The following FYB1 variants were observed in gnomAD, a reference collection of about 807,000 sequenced individuals.
FYB1 encodes the protein FYN binding protein 1, also known as FYN-binding protein 1.
Under a neutral mutation model 94.1 loss-of-function variants are expected in FYB1, and 41 were observed. That is an observed-to-expected ratio of 0.44 (90% CI 0.34 to 0.57). FYB1 has a LOEUF of 0.57. FYB1 is among the 20% of genes least tolerant of loss of function. The pLI is 0.02. For missense variants in FYB1, 1,050 were observed against 976.8 expected (o/e 1.07, Z -1.00); for synonymous variants, 367 against 353.2 (o/e 1.04, Z -0.44).
At chr5:39,198,865 A>G (rs529874831) in intron 2 of FYB1, among the ~76,000 whole-genome samples, 7 of 152,114 alleles carry the variant, frequency 4.6e-5, no homozygotes, top group Non-Finnish European at 1.0e-4. Context: ...ATAAATAAAT[A>G]ATACACTTAT....
chr5:39,129,682 C>T (rs865937752), intron 10 of FYB1, among the ~76,000 whole-genome samples: 19 of 152,020 alleles, frequency 1.2e-4, no homozygotes, highest in Middle Eastern at 3.4e-3. Flanking sequence ...AGAAGACATA[C>T]AAATGGCCAA....
chr5:39,222,220 C>T (rs968042480), upstream of FYB1, among the ~76,000 whole-genome samples: 4 of 152,024 alleles, frequency 2.6e-5, no homozygotes, highest in East Asian at 3.9e-4. Context: ...TGAGCTCTGG[C>T]GTCTTGTACT....
intron 1 of FYB1, among the ~76,000 whole-genome samples, chr5:39,225,626 A>G (rs1268509823): frequency 6.6e-6 from 1 of 152,226 alleles, no homozygotes; most frequent in African/African-American, 2.4e-5. Flanking sequence ...AATTTTTCTT[A>G]TAAAGTATGT....
At chr5:39,211,561 G>C (rs113264766) in intron 1 of FYB1, among the ~76,000 whole-genome samples, 92 of 152,012 alleles carry the variant, frequency 6.1e-4, no homozygotes, top group African/African-American at 2.1e-3. Context: ...CGCCTGCCTC[G>C]GCCTCCCAAA....
chr5:39,252,911 CTT>C (rs1232592310), intron 1 of FYB1, among the ~76,000 whole-genome samples: 3 of 152,218 alleles, frequency 2.0e-5, no homozygotes, highest in Non-Finnish European at 2.9e-5. Context: ...TTTAAAAATA[CTT>C]ACAACTGTGT....
chr5:39,194,217 C>T (rs1366771545), intron 2 of FYB1, among the ~76,000 whole-genome samples: 1 of 152,078 alleles, frequency 6.6e-6, no homozygotes, highest in African/African-American at 2.4e-5. Flanking sequence ...ACCATGTAGA[C>T]TGCTTATAAA....
intron 2 of FYB1, among the ~76,000 whole-genome samples, chr5:39,159,866 C>T (rs1017759491): frequency 7.2e-5 from 11 of 151,798 alleles, no homozygotes; most frequent in African/African-American, 1.5e-4. Context: ...CTGAACTGTG[C>T]GTTTCATCTT....
intron 2 of FYB1, among the ~76,000 whole-genome samples, chr5:39,177,227 G>A (rs1360737994): frequency 6.6e-6 from 1 of 152,200 alleles, no homozygotes; most frequent in Non-Finnish European, 1.5e-5. Context: ...CCTGAGGGCT[G>A]TGGCTAACCT....
At chr5:39,273,917 C>T (rs1451842720) in intron 1 of FYB1, among the ~76,000 whole-genome samples, 9 of 151,772 alleles carry the variant, frequency 5.9e-5, no homozygotes, top group Admixed American at 5.9e-4. Flanking sequence ...AGTGTTTTAT[C>T]TATTATGCTT....
At chr5:39,259,053 G>C (rs896927187) in intron 1 of FYB1, among the ~76,000 whole-genome samples, 1 of 152,048 alleles carries the variant, frequency 6.6e-6, no homozygotes, top group Non-Finnish European at 1.5e-5. Context: ...ATTCTCAACT[G>C]GGGGGTTGGG....
At chr5:39,121,571 C>A (rs1740108533) in intron 14 of FYB1, among the ~76,000 whole-genome samples, 1 of 152,108 alleles carries the variant, frequency 6.6e-6, no homozygotes, top group Non-Finnish European at 1.5e-5. Context: ...TCTTTTGAGT[C>A]ATCTTTCTTT....
At chr5:39,130,646 T>G (rs759068152) in intron 9 of FYB1, 34 bp from the exon 10 acceptor site, 1 of 1,497,982 alleles carries the variant, frequency 6.7e-7, no homozygotes, top group Admixed American at 1.9e-5. Context: ...TAAGTTAATC[T>G]ATGAATTACT....
intron 1 of FYB1, among the ~76,000 whole-genome samples, chr5:39,244,425 T>C (rs1018979443): frequency 2.0e-5 from 3 of 152,154 alleles, no homozygotes; most frequent in Admixed American, 2.0e-4. Context: ...TGGTTCTGTT[T>C]GTATGCTGGA....
At chr5:39,273,258 A>G (rs903292805) in intron 1 of FYB1, among the ~76,000 whole-genome samples, 4 of 152,258 alleles carry the variant, frequency 2.6e-5, no homozygotes, top group Non-Finnish European at 5.9e-5. Flanking sequence ...CTGTGTAGAA[A>G]GAAGTGGACA....
At chr5:39,177,004 G>A (rs1745796361) in intron 2 of FYB1, among the ~76,000 whole-genome samples, 1 of 152,206 alleles carries the variant, frequency 6.6e-6, no homozygotes, top group African/African-American at 2.4e-5. Context: ...GTGGGAGGAA[G>A]GCAGTTATCC....
chr5:39,170,166 T>C (rs1239468927), intron 2 of FYB1: 2 of 772,554 alleles, frequency 2.6e-6, no homozygotes, highest in African/African-American at 3.4e-5. Context: ...AAGTCTGATA[T>C]GTCAAATCTG....
chr5:39,202,616 G>A lies in FYB1; in HGVS notation c.345C>T (p.Pro115=), dbSNP rs1395552027. 1 of 1,613,732 alleles carries A rather than the reference G, an allele frequency of 6.2e-7. No individual in the cohort carries two copies. The highest frequency in any genetic ancestry group is 1.3e-5 in the African/African-American group (1 of 74,858). ...AKVGFLKPVG[P]KPINLPKEDS... ...CTTCTTTGGGCAAGTTGATGGGCTT[G>A]GGGCCTACAGGTTTCAGAAATCCCA... The change falls in exon 2 of 19, where the codon CCC becomes CCT. Residue 115 remains proline, a synonymous_variant. Transcript: ENST00000512982.
chr5:39,137,612 CTTT>C lies in FYB1; in HGVS notation c.1500_1502del (p.Ile500_Lys501delinsMet). 6.5e-7 allele frequency: 1 copy of C among 1,542,086 alleles called. No individual in the cohort carries two copies. The highest frequency in any genetic ancestry group is 8.8e-7 in the Non-Finnish European group (1 of 1,140,732). On this transcript the variant is annotated inframe_deletion, in exon 7 of 19. Transcript: ENST00000512982. ...AGCAAGCCCTTACTTTAAATTTCTT[CTTT>C]ATTTCTTGTTCTTTCTTTTCTTTCT...
At chr5:39,180,877 T>A (rs1179907259) in intron 2 of FYB1, among the ~76,000 whole-genome samples, 1 of 152,226 alleles carries the variant, frequency 6.6e-6, no homozygotes, top group East Asian at 1.9e-4. Flanking sequence ...ACATTTTTTA[T>A]TTTTAATAGC....
Sources: gnomAD v4.1 joint callset for allele counts (sites outside exome capture counted in the v4.1 genomes callset) on GRCh38, gnomAD v4.1.1 for gene constraint, MANE v1.5 for transcripts, NCBI Gene and HGNC (gene_info 2026-07-23, HGNC 2026-07-21) for gene names.